The following CCDC142 variants were observed in gnomAD, a reference collection of about 807,000 sequenced individuals.
CCDC142 encodes coiled-coil domain-containing protein 142.
Under a neutral mutation model 83.8 loss-of-function variants are expected in CCDC142, and 67 were observed. The observed-to-expected ratio is 0.80, with a 90% CI of 0.66 to 0.98. The LOEUF is 0.98. Among genes scored for constraint, CCDC142 ranks in the 50% least tolerant of loss-of-function variants. CCDC142 has a pLI of 0.00. For synonymous variants in CCDC142, 421 were observed against 421.2 expected (o/e 1.00, Z 0.01); for missense variants, 905 against 946.8 (o/e 0.96, Z 0.58).
Position 74,474,995 on chromosome 2 carries a change from C to G in CCDC142, c.1917G>C (p.Gln639His). 1.2e-6 allele frequency: 2 copies of G among 1,613,882 alleles called. No homozygotes were observed. The highest frequency in any genetic ancestry group is 2.2e-5 in the South Asian group (2 of 91,006). ...RQTLLMLSIF[Q>H]QLDGALLCLL... ...GACACAGCAGGGCCCCATCCAGCTGCTGGAAGATGCTGAGCATGAGCAGGG... is the reference window on the plus strand; with the variant it reads ...GACACAGCAGGGCCCCATCCAGCTGGTGGAAGATGCTGAGCATGAGCAGGG... The change falls in exon 8 of 9, where the codon CAG becomes CAC. Residue 639 changes from glutamine to histidine, a missense_variant. This residue lies in a region of CCDC142 where 265 missense variants were observed against 288.9 expected (regional missense o/e 0.92). Coordinates refer to ENST00000393965, the MANE Select transcript of CCDC142 (RefSeq NM_001365575.2).
chr2:74,475,003 T>G lies in CCDC142; in HGVS notation c.1909A>C (p.Ile637Leu), dbSNP rs770916643. 8 of 1,613,910 alleles carry G rather than the reference T, an allele frequency of 5.0e-6. No homozygotes were observed. The highest frequency in any genetic ancestry group is 6.8e-6 in the Non-Finnish European group (8 of 1,179,958). ...DLRQTLLMLS[I>L]FQQLDGALLC... Reference sequence around the variant, plus strand: ...AGGGCCCCATCCAGCTGCTGGAAGATGCTGAGCATGAGCAGGGTCTGGCGG... The same window carrying G: ...AGGGCCCCATCCAGCTGCTGGAAGAGGCTGAGCATGAGCAGGGTCTGGCGG... Residue 637 changes from isoleucine to leucine, a missense_variant, in exon 8 of 9, where the codon ATC becomes CTC. Physicochemically the swap from Ile to Leu is conservative, Grantham distance 5. Transcript: ENST00000393965.
Position 74,481,219 on chromosome 2 carries a change from T to C in CCDC142, c.1258+4A>G. The C allele has an allele frequency of 6.2e-7, 1 of 1,613,786 alleles. No homozygotes were observed. The highest frequency in any genetic ancestry group is 8.5e-7 in the Non-Finnish European group (1 of 1,179,894). ...GTGTCCCCAGCCCCAGCCCCTCGTC[T>C]CACCTGCAGGCTGGCAGAAAATCCG... On this transcript the variant is annotated splice_donor_region_variant and intron_variant, in intron 3 of 8. Coordinates refer to ENST00000393965, the MANE Select transcript of CCDC142 (RefSeq NM_001365575.2).
Position 74,474,379 on chromosome 2 carries a change from G to T in CCDC142, c.*167C>A. 2.2e-6 allele frequency: 2 copies of T among 919,470 alleles called. No homozygotes were observed. The highest frequency in any genetic ancestry group is 3.1e-6 in the Non-Finnish European group (2 of 639,886). 57.0% of individuals were successfully genotyped at this position (919,470 alleles called of 1,614,324 possible). A position where few individuals can be genotyped will look rare whatever the true frequency, so the allele number is the denominator to read the frequency against. ...TTACAGGCGTGAGCCACCTCGCCCA[G>T]CCCCTAATCTTGGATTCTTAAGCCC... On this transcript the variant is annotated 3_prime_UTR_variant, in exon 9 of 9. Transcript: ENST00000393965.
rs1363295504 is a variant in CCDC142 at position 74,481,914 on chromosome 2, C to G, written c.924G>C (p.Leu308=). ...GACTCTGAGCACAGGCTGCCCACAG[C>G]AGGGTCCAGTATTGGCTCCACAAGG... is the stretch of plus-strand genomic sequence containing the variant. ...AGALWSQYWT[L]LWAACAQSLD... Residue 308 remains leucine, a synonymous_variant, in exon 1 of 9, where the codon CTG becomes CTC. Coordinates refer to ENST00000393965, the MANE Select transcript of CCDC142 (RefSeq NM_001365575.2). The G allele has an allele frequency of 3.1e-6, 5 of 1,614,174 alleles. No homozygotes were observed. The highest frequency in any genetic ancestry group is 4.2e-6 in the Non-Finnish European group (5 of 1,180,028).
rs750192429 is a variant in CCDC142 at position 74,482,638 on chromosome 2, T to TA, written c.199dup (p.Tyr67LeufsTer4). The TA allele has an allele frequency of 6.2e-7, 1 of 1,611,892 alleles. No homozygotes were observed. The highest frequency in any genetic ancestry group is 8.5e-7 in the Non-Finnish European group (1 of 1,179,816). The stretch of plus-strand genomic sequence containing the variant: ...CCTCCAGGCCGCAGCATCAGCCTCG[T>TA]AGTCCTCGCTCACATCCGCCGGCGT... On this transcript the variant is annotated frameshift_variant, in exon 1 of 9. Coordinates refer to ENST00000393965, the MANE Select transcript of CCDC142 (RefSeq NM_001365575.2). LOFTEE classifies it high-confidence loss of function. This position sits in a 1 kb window ranked among gnomAD's most constrained non-coding sequence, Gnocchi z 5.0.
rs780857185 is a variant in CCDC142, at chr2:74,474,531, C to T, written c.*15G>A. 6.4e-7 allele frequency: 1 copy of T among 1,572,992 alleles called. No homozygotes were observed. Among genetic ancestry groups the T allele is most frequent in the East Asian group, 2.3e-5 (1 of 44,400 alleles). ...TGGGGAGCTCTTAACTTTCTGGCTC[C>T]TGGTCCCAGGCTCCTTAGGATTCAG... On this transcript the variant is annotated 3_prime_UTR_variant, in exon 9 of 9. Transcript: ENST00000393965.
Position 74,481,335 on chromosome 2 carries a change from C to G in CCDC142, c.1146G>C (p.Gln382His). 1 of 1,614,130 alleles carries G rather than the reference C, an allele frequency of 6.2e-7. No homozygotes were observed. The highest frequency in any genetic ancestry group is 8.5e-7 in the Non-Finnish European group (1 of 1,180,014). ...CQALGSALGG[Q>H]SSLPTSSGTA... Reference sequence around the variant, plus strand: ...TGCCAGAGGATGTGGGAAGGCTGCTCTGACCCCCAAGAGCTGATCCCAAGG... The same window carrying G: ...TGCCAGAGGATGTGGGAAGGCTGCTGTGACCCCCAAGAGCTGATCCCAAGG... Residue 382 changes from glutamine to histidine, a missense_variant, in exon 3 of 9, where the codon CAG becomes CAC. Around this residue, in one of 3 missense-constraint regions of CCDC142, gnomAD observed 591 missense variants for 571.4 expected, o/e 1.03. Coordinates refer to ENST00000393965, the MANE Select transcript of CCDC142 (RefSeq NM_001365575.2).
At chr2:74,478,043 GATATA>G (rs1240427060) in intron 5 of CCDC142, among the ~76,000 whole-genome samples, 1 of 145,520 alleles carries the variant, frequency 6.9e-6, no homozygotes, top group Non-Finnish European at 1.5e-5. Context: ...AATATATATA[GATATA>G]ATATAAATAA....
chr2:74,475,734 G>T lies in CCDC142; in HGVS notation c.1504-8C>A. The T allele has an allele frequency of 5.1e-6, 8 of 1,568,138 alleles. No homozygotes were observed. Among genetic ancestry groups the T allele is most frequent in the Non-Finnish European group, 7.0e-6 (8 of 1,139,530 alleles). On this transcript the variant is annotated splice_region_variant and splice_polypyrimidine_tract_variant and intron_variant, in intron 5 of 8. Coordinates refer to ENST00000393965, the MANE Select transcript of CCDC142 (RefSeq NM_001365575.2). Reference sequence around the variant, plus strand: ...TGACTCTTCAGGCAGGAGCTGTAGGGATAGGGAGAAAGTAAAAGGGGCTTG... The same window carrying T: ...TGACTCTTCAGGCAGGAGCTGTAGGTATAGGGAGAAAGTAAAAGGGGCTTG...
At chr2:74,480,930 C>T (rs1255418620) in intron 4 of CCDC142, 26 bp downstream of exon 4, 12 of 1,612,160 alleles carry the variant, frequency 7.4e-6, no homozygotes, top group Non-Finnish European at 1.0e-5. Context: ...TCAGGCTGCT[C>T]CCCTCCCTAC....
At chr2:74,475,793 T>C in intron 5 of CCDC142, 67 bp from the exon 6 acceptor site, 1 of 977,616 alleles carries the variant, frequency 1.0e-6, no homozygotes. Flanking sequence ...TCTAAGGAGC[T>C]CTATGTCCAA....
At position 74,481,832 on chromosome 2, in the gene CCDC142, G is replaced by C. The variant is rs747863772; in HGVS notation, c.1006C>G (p.Gln336Glu). Residue 336 changes from glutamine (Q) to glutamate (E), a missense_variant, in exon 1 of 9, where the codon CAG becomes GAG. Gln to Glu is a conservative substitution (Grantham distance 29, BLOSUM62 2). This residue lies in a region of CCDC142 where 591 missense variants were observed against 571.4 expected (regional missense o/e 1.03). Transcript: ENST00000393965. ...DPRATAQQLS[Q>E]ALGQASLPQE... The stretch of plus-strand genomic sequence containing the variant: ...CATCACTCACCCTGACCCAGTGCCT[G>C]ACTCAGCTGTTGCGCTGTTGCCCTG... The C allele has an allele frequency of 6.2e-7, 1 of 1,612,310 alleles. No individual in the cohort carries two copies. The highest frequency in any genetic ancestry group is 2.2e-5 in the East Asian group (1 of 44,842).
At chr2:74,481,192 C>A in intron 3 of CCDC142, 31 bp downstream of exon 3, 1 of 1,613,498 alleles carries the variant, frequency 6.2e-7, no homozygotes, top group Non-Finnish European at 8.5e-7. Flanking sequence ...CTCAACTGCT[C>A]TGTGTCCCCA....
chr2:74,472,983 C>G lies in CCDC142; in HGVS notation c.*1563G>C, dbSNP rs1672225066. 2.5e-6 allele frequency: 1 copy of G among 407,566 alleles called. No homozygotes were observed. The highest frequency in any genetic ancestry group is 2.0e-5 in the African/African-American group (1 of 48,824). The allele number at this position is 407,566 out of a possible 1,614,324, so 25.2% of individuals were successfully genotyped here. A position where few individuals can be genotyped will look rare whatever the true frequency, so the allele number is the denominator to read the frequency against. On this transcript the variant is annotated 3_prime_UTR_variant, in exon 9 of 9. Coordinates refer to ENST00000393965, the MANE Select transcript of CCDC142 (RefSeq NM_001365575.2). ...ATACGCCCGTTTTCTGCAGCCTTTC[C>G]CCTTCTGTACCCTGCTGGGCCACAT...
chr2:74,474,895 G>C, intron 8 of CCDC142, 21 bp downstream of exon 8: 1 of 1,581,558 alleles, frequency 6.3e-7, no homozygotes, highest in Non-Finnish European at 8.6e-7. Context: ...ACAAAGCAGT[G>C]AGCGAAGGGG....
chr2:74,481,406 C>T, intron 2 of CCDC142, 34 bp from the exon 3 acceptor site: 3 of 1,614,082 alleles, frequency 1.9e-6, no homozygotes, highest in Non-Finnish European at 2.5e-6. Context: ...GGTGGGGAAG[C>T]GGTAACCTGG....
Position 74,475,050 on chromosome 2 carries a change from T to C in CCDC142, c.1862A>G (p.Gln621Arg). 6.2e-7 allele frequency: 1 copy of C among 1,613,996 alleles called. No individual in the cohort carries two copies. Among genetic ancestry groups the C allele is most frequent in the Non-Finnish European group, 8.5e-7 (1 of 1,179,934 alleles). ...GCGGAGATCAGGGGACAGGCTCCAC[T>C]GCTCCTCTTCCAGCAACTCCCTGAC... ...GVVRELLEEE[Q>R]WSLSPDLRQT... Residue 621 changes from glutamine (Q) to arginine (R), a missense_variant, in exon 8 of 9, where the codon CAG (glutamine) becomes CGG (arginine). Transcript: ENST00000393965.
Position 74,482,282 on chromosome 2 carries a change from G to A in CCDC142, c.556C>T (p.Leu186Phe), listed in dbSNP as rs375806395. The change falls in exon 1 of 9, where the codon CTT becomes TTT. Residue 186 changes from leucine to phenylalanine, a missense_variant. Physicochemically the swap from Leu to Phe is conservative, Grantham distance 22. Transcript: ENST00000393965. The surrounding 1 kb of genome is among the most constrained non-coding windows in gnomAD (Gnocchi z 5.0). The stretch of plus-strand genomic sequence containing the variant: ...GCGGGCTCCCGGCCGAGAGCGCGAA[G>A]CTGCATCTCGATGACAGCCTCCAGG... ...QCLEAVIEMQ[L>F]RALGREPASP... 3 of 1,612,362 alleles carry A rather than the reference G, an allele frequency of 1.9e-6. No homozygotes were observed. Among genetic ancestry groups the A allele is most frequent in the African/African-American group, 2.7e-5 (2 of 74,950 alleles).
chr2:74,481,867 C>T lies in CCDC142; in HGVS notation c.971G>A (p.Trp324Ter). The change falls in exon 1 of 9, where the codon TGG becomes TAG. Residue 324 changes from tryptophan to a stop codon, truncating the protein, a stop_gained. Coordinates refer to ENST00000393965, the MANE Select transcript of CCDC142 (RefSeq NM_001365575.2). LOFTEE classifies it high-confidence loss of function. ...TTGCGCTGTTGCCCTGGGGTCCCTC[C>T]AGGGTCCCAGATTTAGGTCCAGACT... ...AQSLDLNLGP[W>*]RDPRATAQQL... is the part of the protein sequence containing the mutation. The T allele has an allele frequency of 6.2e-7, 1 of 1,614,162 alleles. No individual in the cohort carries two copies. Among genetic ancestry groups the T allele is most frequent in the Non-Finnish European group, 8.5e-7 (1 of 1,180,020 alleles).
Sources: allele counts gnomAD v4.1 joint callset (sites outside exome capture counted in the v4.1 genomes callset), GRCh38; gene constraint gnomAD v4.1.1; regional missense constraint gnomAD v4.1.1; non-coding constraint Gnocchi (gnomAD v3.1); transcripts MANE v1.5; gene names NCBI Gene and HGNC (gene_info 2026-07-23, HGNC 2026-07-21).